The following TASP1 variants were observed in gnomAD, a reference collection of about 807,000 sequenced individuals.
The protein encoded by TASP1 is taspase 1.
Under a neutral mutation model 56.6 loss-of-function variants are expected in TASP1, and 16 were observed. The observed-to-expected ratio is 0.28, with a 90% CI of 0.19 to 0.43. The LOEUF (loss-of-function observed/expected upper bound fraction) is 0.43. Ranked by LOEUF, TASP1 falls within the 20% of genes least tolerant of loss-of-function variation. The pLI is 1.00. For synonymous variants in TASP1, 179 were observed against 184.2 expected (o/e 0.97, Z 0.23); for missense variants, 393 against 511.6 (o/e 0.77, Z 2.24).
the TASP1 span, among the ~76,000 whole-genome samples, chr20:13,132,171 A>ATTTTT: frequency 7.7e-5 from 8 of 103,996 alleles, no homozygotes; most frequent in East Asian, 2.7e-4. Flanking sequence ...CCTTGCTTTA[A>ATTTTT]TTTTTTTTTT....
chr20:13,536,934 A>T (rs2045441025), intron 8 of TASP1, among the ~76,000 whole-genome samples: 1 of 152,146 alleles, frequency 6.6e-6, no homozygotes, highest in African/African-American at 2.4e-5. Flanking sequence ...ATTAACATAT[A>T]CATTACCTCA....
intron 8 of TASP1, 63 bp from the exon 9 acceptor site, chr20:13,534,204 C>T: frequency 6.4e-7 from 1 of 1,572,730 alleles, no homozygotes; most frequent in South Asian, 1.2e-5. Context: ...GATATGACTA[C>T]ATAGCACTTT....
At chr20:13,160,037 G>A in the TASP1 span, 1 of 1,611,398 alleles carries the variant, frequency 6.2e-7, no homozygotes, top group Non-Finnish European at 8.5e-7. Context: ...GAAAAAAATT[G>A]GAGTGGTGGT....
the TASP1 span, among the ~76,000 whole-genome samples, chr20:13,198,796 T>TTCTTTCTTTCTTTCTTTG: frequency 1.7e-4 from 1 of 6,024 alleles, no homozygotes; most frequent in African/African-American, 4.2e-4. Flanking sequence ...TTCTTTGTCT[T>TTCTTTCTTTCTTTCTTTG]TCTTTCTTTC....
At chr20:13,601,508 T>C (rs2047955233) in intron 4 of TASP1, among the ~76,000 whole-genome samples, 1 of 152,188 alleles carries the variant, frequency 6.6e-6, no homozygotes, top group Non-Finnish European at 1.5e-5. Flanking sequence ...TCCATACTGA[T>C]ATAAATTCAT....
intron 10 of TASP1, among the ~76,000 whole-genome samples, chr20:13,485,889 C>T (rs1351943257): frequency 6.6e-6 from 1 of 152,138 alleles, no homozygotes; most frequent in African/African-American, 2.4e-5. Flanking sequence ...AGGTTATATA[C>T]ACATGCCTGA....
intron 1 of TASP1, among the ~76,000 whole-genome samples, chr20:13,637,275 T>C (rs981862797): frequency 2.6e-5 from 4 of 152,166 alleles, no homozygotes; most frequent in Non-Finnish European, 4.4e-5. Flanking sequence ...ATCAGAACCC[T>C]TATAACCTGC....
chr20:13,224,882 G>T, the TASP1 span, among the ~76,000 whole-genome samples: 1 of 116,926 alleles, frequency 8.6e-6, no homozygotes, highest in Non-Finnish European at 1.6e-5. Context: ...GTCTTGCTCT[G>T]TCGCCCAGGC....
Position 13,587,290 on chromosome 20 carries a change from A to C in TASP1, c.363T>G (p.Asp121Glu), listed in dbSNP as rs1568616617. The C allele has an allele frequency of 6.2e-7, 1 of 1,613,180 alleles. No homozygotes were observed. The highest frequency in any genetic ancestry group is 8.5e-7 in the Non-Finnish European group (1 of 1,179,652). ...GEIECDASIM[D>E]GKSLNFGAVG... ...CTGCTCCAAAATTTAAGGATTTTCC[A>C]TCCATTATGCTGGCATCACACTCAA... The change falls in exon 5 of 14, where the codon GAT becomes GAG. Residue 121 changes from aspartate to glutamate, a missense_variant. Asp to Glu is a conservative substitution (Grantham distance 45). Coordinates refer to ENST00000337743, the MANE Select transcript of TASP1 (RefSeq NM_017714.3).
chr20:13,276,800 C>G, the TASP1 span, among the ~76,000 whole-genome samples: 1 of 152,252 alleles, frequency 6.6e-6, no homozygotes, highest in East Asian at 1.9e-4. Context: ...ATAAAACGAG[C>G]CCTCGCCATT....
At chr20:13,239,606 G>A in the TASP1 span, 1 of 152,148 alleles carries the variant, frequency 6.6e-6, no homozygotes, top group Admixed American at 6.5e-5. Flanking sequence ...AAGGGTCACT[G>A]CACATGGCTG....
the TASP1 span, among the ~76,000 whole-genome samples, chr20:13,123,262 C>T: frequency 0.14 from 20,917 of 151,348 alleles, 2,628 homozygotes; most frequent in African/African-American, 0.34. Context: ...GCCCAGGAGA[C>T]GAAGGTTGCA....
the TASP1 span, among the ~76,000 whole-genome samples, chr20:13,222,702 G>C: frequency 6.6e-6 from 1 of 152,218 alleles, no homozygotes. Flanking sequence ...TGGACGGTCA[G>C]ACATAATGTG....
the TASP1 span, among the ~76,000 whole-genome samples, chr20:13,191,877 A>T: frequency 6.6e-6 from 1 of 152,214 alleles, no homozygotes; most frequent in African/African-American, 2.4e-5. Context: ...ATTATTATGT[A>T]TCAATTAAAA....
At chr20:13,303,443 G>T in the TASP1 span, among the ~76,000 whole-genome samples, 758 of 152,314 alleles carry the variant, frequency 5.0e-3, 3 homozygotes, top group African/African-American at 0.017. Flanking sequence ...TGATCCATGG[G>T]TGAAAACAAA....
chr20:13,142,698 C>A, the TASP1 span, among the ~76,000 whole-genome samples: 11 of 152,316 alleles, frequency 7.2e-5, 1 homozygote, highest in East Asian at 2.1e-3. Flanking sequence ...GTGTCAGCAG[C>A]TGCTGTTTTA....
chr20:13,253,983 C>T, the TASP1 span, among the ~76,000 whole-genome samples: 8 of 150,156 alleles, frequency 5.3e-5, no homozygotes, highest in East Asian at 3.9e-4. Context: ...CTTGGGAGGC[C>T]GAGGTGAGCG....
At chr20:13,526,512 TA>T (rs2044986067) in intron 10 of TASP1, among the ~76,000 whole-genome samples, 1 of 152,190 alleles carries the variant, frequency 6.6e-6, no homozygotes, top group African/African-American at 2.4e-5. Flanking sequence ...AATATTAAAT[TA>T]AAATTTAAAA....
chr20:13,627,919 T>C (rs2048953878), intron 2 of TASP1, among the ~76,000 whole-genome samples: 1 of 152,178 alleles, frequency 6.6e-6, no homozygotes, highest in Admixed American at 6.5e-5. Context: ...AAGTAAAAAG[T>C]AATCTTCCTT....
Sources: allele counts gnomAD v4.1 joint callset (sites outside exome capture counted in the v4.1 genomes callset), GRCh38; gene constraint gnomAD v4.1.1; transcripts MANE v1.5; gene names NCBI Gene and HGNC (gene_info 2026-07-23, HGNC 2026-07-21).